MAPK4: variants seen among roughly 807,000 people sequenced by gnomAD.
The protein encoded by MAPK4 is Erk3-related.
A neutral mutation model predicts 47.7 loss-of-function variants in MAPK4; 22 were observed. The ratio of observed to expected loss-of-function variants is 0.46; its 90% CI spans 0.33 to 0.66. The LOEUF (loss-of-function observed/expected upper bound fraction) is 0.66. MAPK4 is among the 30% of genes least tolerant of loss of function. The pLI is 0.02. For missense variants in MAPK4, 736 were observed against 831.7 expected (o/e 0.88, Z 1.42); for synonymous variants, 390 against 365.7 (o/e 1.07, Z -0.76).
chr18:50,654,240 G>C (rs567282657), intron 1 of MAPK4, among the ~76,000 whole-genome samples: 16 of 152,318 alleles, frequency 1.1e-4, no homozygotes, highest in African/African-American at 3.6e-4. Context: ...ACTCAGGTCT[G>C]AACACTGAGC....
rs544995904 is a variant in MAPK4 at position 50,595,488 on chromosome 18, A to T, written c.-871+35245A>T. 5.3e-5 allele frequency among the ~76,000 whole-genome samples: 8 copies of T among 152,354 alleles called. No homozygotes were observed. The South Asian group carries it at 1.2e-3, about 24-fold the overall frequency. The stretch of plus-strand genomic sequence containing the variant: ...TTACAAGAAGTTCAAGAACAAACGA[A>T]ACTAATACAGAGTGGTAGAAATCAG... On this transcript the variant is annotated intron_variant, in intron 1 of 5. Transcript: ENST00000400384.
chr18:50,564,768 G>A (rs906475706), intron 1 of MAPK4, among the ~76,000 whole-genome samples: 7 of 152,060 alleles, frequency 4.6e-5, no homozygotes, highest in African/African-American at 1.4e-4. Context: ...ACAACTGTGG[G>A]TAGCAGAACC....
At chr18:50,714,916 A>G (rs541225402) in intron 2 of MAPK4, among the ~76,000 whole-genome samples, 163 bp from the exon 3 acceptor site, 3 of 152,254 alleles carry the variant, frequency 2.0e-5, no homozygotes, top group African/African-American at 7.2e-5. Flanking sequence ...CCCTCTAACC[A>G]GACGTCTGTT....
Position 50,725,945 on chromosome 18 carries a change from G to T in MAPK4, c.854-17G>T. Reference sequence around the variant, plus strand: ...AGGGCAACAAATGACCTTCATGTCCGGCTTTGCTCCCTGCAGCCATCGACT... The same window carrying T: ...AGGGCAACAAATGACCTTCATGTCCTGCTTTGCTCCCTGCAGCCATCGACT... On this transcript the variant is annotated splice_polypyrimidine_tract_variant and intron_variant, in intron 4 of 5. Coordinates refer to ENST00000400384, the MANE Select transcript of MAPK4 (RefSeq NM_002747.4). The T allele has an allele frequency of 6.2e-7, 1 of 1,610,564 alleles. No individual in the cohort carries two copies.
intron 3 of MAPK4, among the ~76,000 whole-genome samples, 192 bp downstream of exon 3, chr18:50,715,415 G>A (rs574999091): frequency 6.6e-6 from 1 of 152,318 alleles, no homozygotes; most frequent in Non-Finnish European, 1.5e-5. Context: ...TAAAAAAATA[G>A]TAGCCTTTTG....
chr18:50,639,098 C>A (rs1210993994), intron 1 of MAPK4, among the ~76,000 whole-genome samples: 1 of 152,122 alleles, frequency 6.6e-6, no homozygotes, highest in Non-Finnish European at 1.5e-5. Flanking sequence ...GCCCTGGTAC[C>A]CCAGGCTCAA....
At chr18:50,643,719 C>T (rs1353694905) in intron 1 of MAPK4, among the ~76,000 whole-genome samples, 1 of 152,136 alleles carries the variant, frequency 6.6e-6, no homozygotes, top group East Asian at 1.9e-4. Flanking sequence ...TTCATGCAAG[C>T]CTCAAGTAAT....
In MAPK4 at chr18:50,729,348, T is replaced by G. The variant is rs1399649402; in HGVS notation, c.1258T>G (p.Phe420Val). ...GTCGCACTCGTCCATGGAGCGCGCC[T>G]TCGAGGCCGACTACGGGCGCTCCTG... ...EQSHSSMERAFEADYGRSCDY... is the reference protein window; with the variant it reads ...EQSHSSMERAVEADYGRSCDY... The change falls in exon 6 of 6, where the codon TTC becomes GTC. Residue 420 changes from phenylalanine to valine, a missense_variant. Coordinates refer to ENST00000400384, the MANE Select transcript of MAPK4 (RefSeq NM_002747.4). 1 of 1,585,438 alleles carries G rather than the reference T, an allele frequency of 6.3e-7. No individual in the cohort carries two copies.
chr18:50,639,358 T>C (rs142034679), intron 1 of MAPK4, among the ~76,000 whole-genome samples: 156 of 152,308 alleles, frequency 1.0e-3, no homozygotes, highest in Non-Finnish European at 1.7e-3. Context: ...AAAAACCCTT[T>C]TCCATGGTGT....
At chr18:50,567,923 G>A (rs561601820) in intron 1 of MAPK4, among the ~76,000 whole-genome samples, 55 of 152,120 alleles carry the variant, frequency 3.6e-4, no homozygotes, top group African/African-American at 1.3e-3. Flanking sequence ...CCGGCTGGGC[G>A]CAGTGGCTCA....
intron 2 of MAPK4, among the ~76,000 whole-genome samples, chr18:50,693,298 A>G (rs1485140556): frequency 6.6e-6 from 1 of 152,126 alleles, no homozygotes; most frequent in South Asian, 2.1e-4. Context: ...CAAAGTGAAT[A>G]TATTTTACCT....
chr18:50,571,003 C>G (rs564198940), intron 1 of MAPK4, among the ~76,000 whole-genome samples: 1 of 152,172 alleles, frequency 6.6e-6, no homozygotes, highest in Admixed American at 6.5e-5. Flanking sequence ...CTGAGCTATC[C>G]TCTCAGAAAA....
At chr18:50,611,536 G>T (rs1050062286) in intron 1 of MAPK4, among the ~76,000 whole-genome samples, 1 of 152,210 alleles carries the variant, frequency 6.6e-6, no homozygotes, top group African/African-American at 2.4e-5. Context: ...TTGCTAGAAG[G>T]TGTCGCTGAG....
chr18:50,574,096 T>A (rs1190661448), intron 1 of MAPK4, among the ~76,000 whole-genome samples: 1 of 152,192 alleles, frequency 6.6e-6, no homozygotes, highest in Non-Finnish European at 1.5e-5. Context: ...ATTCTTTTTT[T>A]AAATACTCCA....
intron 1 of MAPK4, among the ~76,000 whole-genome samples, chr18:50,586,472 TAG>T (rs1239346608): frequency 6.6e-6 from 1 of 151,860 alleles, no homozygotes; most frequent in Non-Finnish European, 1.5e-5. Context: ...CTGTTAGATG[TAG>T]AGTCAGCCAG....
At chr18:50,682,469 A>G (rs981925832) in intron 2 of MAPK4, among the ~76,000 whole-genome samples, 1 of 152,210 alleles carries the variant, frequency 6.6e-6, no homozygotes, top group Non-Finnish European at 1.5e-5. Context: ...GCAAAACATG[A>G]CAAAAACCTG....
At chr18:50,584,134 T>A (rs924611221) in intron 1 of MAPK4, among the ~76,000 whole-genome samples, 2 of 152,240 alleles carry the variant, frequency 1.3e-5, no homozygotes, top group African/African-American at 4.8e-5. Context: ...GATTTCTGGA[T>A]AAAAACCAAT....
intron 2 of MAPK4, among the ~76,000 whole-genome samples, chr18:50,704,345 C>T (rs939987589): frequency 2.6e-5 from 4 of 152,120 alleles, no homozygotes; most frequent in African/African-American, 9.7e-5. Context: ...CCTGTCTCTA[C>T]AGAAAACACA....
intron 1 of MAPK4, among the ~76,000 whole-genome samples, chr18:50,647,166 T>C (rs2042997693): frequency 6.6e-6 from 1 of 152,246 alleles, no homozygotes; most frequent in Admixed American, 6.5e-5. Context: ...ACAGTGAAAG[T>C]TGCTTTGCAA....
Sources: gnomAD v4.1 joint callset for allele counts (sites outside exome capture counted in the v4.1 genomes callset) on GRCh38, gnomAD v4.1.1 for gene constraint, MANE v1.5 for transcripts, NCBI Gene and HGNC (gene_info 2026-07-23, HGNC 2026-07-21) for gene names.